The following PRKCE variants were observed in gnomAD, a reference collection of about 807,000 sequenced individuals.
PRKCE encodes protein kinase C epsilon, also known as protein kinase C epsilon type.
Under a neutral mutation model 85.4 loss-of-function variants are expected in PRKCE, and 16 were observed. The ratio of observed to expected loss-of-function variants is 0.19; its 90% confidence interval spans 0.13 to 0.28. The LOEUF (loss-of-function observed/expected upper bound fraction) is 0.28, where lower values mean the gene tolerates loss of function less well. Ranked by LOEUF, PRKCE falls within the 10% of genes least tolerant of loss-of-function variation. The pLI is 1.00. For missense variants in PRKCE, 573 were observed against 975.2 expected (o/e 0.59, Z 5.49); for synonymous variants, 388 against 371.5 (o/e 1.04, Z -0.51).
rs1676030346 is a variant in PRKCE at position 45,668,832 on chromosome 2, AATAG to A, written c.348+16385_348+16388del. On this transcript the variant is annotated intron_variant, in intron 1 of 14. Transcript: ENST00000306156. ...AAAAACATGTCACACACATGTAAGT[AATAG>A]TGATGAACCACTTTGGGATTCAGGG... Among the ~76,000 whole-genome samples the A allele has an allele frequency of 1.3e-5, 2 of 152,190 alleles. 1 individual carries two copies. The highest frequency in any genetic ancestry group is 4.1e-4 in the South Asian group (2 of 4,834).
intron 11 of PRKCE, among the ~76,000 whole-genome samples, chr2:46,135,209 A>G (rs1674840328): frequency 6.6e-6 from 1 of 152,220 alleles, no homozygotes; most frequent in South Asian, 2.1e-4. Flanking sequence ...TGTCTGGCTT[A>G]TCTGTTACAT....
In PRKCE at chr2:46,100,604, G is replaced by A. The variant is rs192060227; in HGVS notation, c.1592+14242G>A. ...AAGTCCCCTCCCGTGTTGGAAATCT[G>A]CTCATGCAAAAGCATTCATCAGAAG... On this transcript the variant is annotated intron_variant, in intron 11 of 14. Coordinates refer to ENST00000306156, the MANE Select transcript of PRKCE (RefSeq NM_005400.3). 1.1e-4 allele frequency among the ~76,000 whole-genome samples: 16 copies of A among 152,300 alleles called. No homozygotes were observed. The East Asian group carries it at 2.5e-3, about 24-fold the overall frequency.
intron 1 of PRKCE, among the ~76,000 whole-genome samples, chr2:45,654,379 A>G (rs1675283389): frequency 6.6e-6 from 1 of 152,220 alleles, no homozygotes; most frequent in Admixed American, 6.5e-5. Flanking sequence ...TTCATGTTGG[A>G]TTTGGCCCTA....
Position 46,121,430 on chromosome 2 carries a change from G to T in PRKCE, c.1593-23663G>T, listed in dbSNP as rs138813659. 1.2e-3 allele frequency among the ~76,000 whole-genome samples: 189 copies of T among 152,322 alleles called. 1 individual carries two copies. The highest frequency in any genetic ancestry group is 4.4e-3 in the African/African-American group (181 of 41,560). On this transcript the variant is annotated intron_variant, in intron 11 of 14. Coordinates refer to ENST00000306156, the MANE Select transcript of PRKCE (RefSeq NM_005400.3). ...ACACTGAGAGATGTCCCCTGGTTCT[G>T]TTCTCTCTGACACCAAGGTGCCTGG...
At position 46,032,550 on chromosome 2, in the gene PRKCE, C is replaced by T. The variant is rs562296022; in HGVS notation, c.1437+22033C>T. On this transcript the variant is annotated intron_variant, in intron 10 of 14. Transcript: ENST00000306156. The stretch of plus-strand genomic sequence containing the variant: ...AGTTGTACAGTTTGTTAAAGTCTAC[C>T]GTGTTTTTTTTCTTGCATCTCAGTC... Among the ~76,000 whole-genome samples the T allele has an allele frequency of 3.9e-5, 6 of 152,176 alleles. No individual in the cohort carries two copies. In the East Asian group the frequency reaches 9.7e-4, roughly 25 times the overall value.
At chr2:46,096,195 A>G (rs1427785681) in intron 11 of PRKCE, among the ~76,000 whole-genome samples, 1 of 152,214 alleles carries the variant, frequency 6.6e-6, no homozygotes, top group Non-Finnish European at 1.5e-5. Flanking sequence ...GAATAATTAA[A>G]CTGTTTGAAA....
In PRKCE at chr2:46,023,173, A is replaced by G. The variant is rs1706826399; in HGVS notation, c.1437+12656A>G. Among the ~76,000 whole-genome samples the G allele has an allele frequency of 4.0e-5, 6 of 151,320 alleles. 1 individual carries two copies. The South Asian group carries it at 1.3e-3, about 32-fold the overall frequency. ...TTTGTCATGTTTCTCTTTGCCTAGA[A>G]TGATGGCCTGTTCTGGCCAGTTGGC... On this transcript the variant is annotated intron_variant, in intron 10 of 14. Coordinates refer to ENST00000306156, the MANE Select transcript of PRKCE (RefSeq NM_005400.3).
chr2:45,865,348 C>G (rs189061434), intron 2 of PRKCE, among the ~76,000 whole-genome samples: 3 of 152,266 alleles, frequency 2.0e-5, no homozygotes, highest in Non-Finnish European at 2.9e-5. Flanking sequence ...GATGATAAAT[C>G]AGAATCTCAG....
At chr2:45,961,295 C>A (rs1039544594) in intron 2 of PRKCE, among the ~76,000 whole-genome samples, 3 of 152,136 alleles carry the variant, frequency 2.0e-5, no homozygotes, top group African/African-American at 7.2e-5. Context: ...TTTTTCCTTG[C>A]AATGTTTACC....
intron 11 of PRKCE, among the ~76,000 whole-genome samples, chr2:46,100,071 G>A (rs543080045): frequency 1.8e-4 from 27 of 152,322 alleles, no homozygotes; most frequent in African/African-American, 5.8e-4. Context: ...GGCCAGACTG[G>A]ATGATCTAGC....
chr2:45,965,839 G>A (rs897934584), intron 2 of PRKCE, among the ~76,000 whole-genome samples: 23 of 151,622 alleles, frequency 1.5e-4, no homozygotes, highest in African/African-American at 5.6e-4. Flanking sequence ...ATGTTTCTTA[G>A]TTTTCTTTTT....
rs745748020 is a variant in PRKCE, at chr2:46,007,488, C to T, written c.1090C>T (p.Arg364Trp). 7.5e-6 allele frequency: 12 copies of T among 1,599,648 alleles called. No individual in the cohort carries two copies. Among genetic ancestry groups the T allele is most frequent in the African/African-American group, 4.0e-5 (3 of 74,926 alleles). The stretch of plus-strand genomic sequence containing the variant: ...AATAAAAGAACTTGAGAACAACATT[C>T]GGAAAGCCTTGTCATTTGACAACCG... ...QEIKELENNI[R>W]KALSFDNRGE... is the part of the protein sequence containing the mutation. The change falls in exon 9 of 15, where the codon CGG becomes TGG. Residue 364 changes from arginine (R) to tryptophan (W), a missense_variant. This residue lies in a region of PRKCE where 117 missense variants were observed against 104.8 expected (regional missense o/e 1.12). Coordinates refer to ENST00000306156, the MANE Select transcript of PRKCE (RefSeq NM_005400.3).
At chr2:45,699,931 G>C (rs935350651) in intron 1 of PRKCE, among the ~76,000 whole-genome samples, 2 of 151,910 alleles carry the variant, frequency 1.3e-5, no homozygotes, top group Non-Finnish European at 2.9e-5. Context: ...AGTGTGGGGA[G>C]CTGAGGGGTG....
At chr2:45,930,597 A>G (rs1189551412) in intron 2 of PRKCE, among the ~76,000 whole-genome samples, 4 of 152,228 alleles carry the variant, frequency 2.6e-5, no homozygotes, top group Non-Finnish European at 5.9e-5. Flanking sequence ...TGTGGAGGGC[A>G]TGGCAGCTGC....
At chr2:45,958,550 C>T (rs1574024947) in intron 2 of PRKCE, among the ~76,000 whole-genome samples, 1 of 148,706 alleles carries the variant, frequency 6.7e-6, no homozygotes, top group Non-Finnish European at 1.5e-5. Context: ...CTCATAGAAA[C>T]AACTCCCTTT....
chr2:45,731,083 C>T (rs1401917221), intron 1 of PRKCE, among the ~76,000 whole-genome samples: 1 of 152,144 alleles, frequency 6.6e-6, no homozygotes, highest in African/African-American at 2.4e-5. Context: ...GGAGAACTCT[C>T]AGGCAGAAAG....
At chr2:46,169,098 G>T (rs1057118037) in intron 14 of PRKCE, among the ~76,000 whole-genome samples, 6 of 152,154 alleles carry the variant, frequency 3.9e-5, no homozygotes, top group Admixed American at 3.9e-4. Context: ...TTTGCAAGCT[G>T]ACTGGGGGGG....
chr2:45,688,578 G>A (rs1410649312), intron 1 of PRKCE, among the ~76,000 whole-genome samples: 2 of 152,162 alleles, frequency 1.3e-5, no homozygotes, highest in African/African-American at 4.8e-5. Flanking sequence ...AAGGAATTGA[G>A]CATCAGTCTG....
intron 1 of PRKCE, among the ~76,000 whole-genome samples, chr2:45,710,217 C>G (rs541038362): frequency 7.2e-5 from 11 of 152,354 alleles, no homozygotes; most frequent in African/African-American, 2.4e-4. Context: ...GGTACTATCA[C>G]TATCCTCATA....
Sources: allele counts gnomAD v4.1 joint callset (sites outside exome capture counted in the v4.1 genomes callset), GRCh38; gene constraint gnomAD v4.1.1; regional missense constraint gnomAD v4.1.1; transcripts MANE v1.5; gene names NCBI Gene and HGNC (gene_info 2026-07-23, HGNC 2026-07-21).